Variants in GALNT13 observed in about 807,000 individuals in gnomAD.
GALNT13 encodes the protein UDP-GalNAc:polypeptide N-acetylgalactosaminyltransferase 13.
In GALNT13, 28 loss-of-function variants were observed where a neutral mutation model predicts 64.2. The ratio of observed to expected loss-of-function variants is 0.44; its 90% CI spans 0.32 to 0.60. GALNT13 has a LOEUF of 0.60. Ranked by LOEUF, GALNT13 falls within the 20% of genes least tolerant of loss-of-function variation. The pLI, the probability that GALNT13 is intolerant of heterozygous loss-of-function variation, is 0.05. For missense variants in GALNT13, 577 were observed against 669.8 expected (o/e 0.86, Z 1.53); for synonymous variants, 214 against 224.6 (o/e 0.95, Z 0.42).
At chr2:153,712,872 C>A in the GALNT13 span, among the ~76,000 whole-genome samples, 1 of 152,136 alleles carries the variant, frequency 6.6e-6, no homozygotes, top group African/African-American at 2.4e-5. Context: ...CCATAGAGAT[C>A]AAAACATGTA....
At chr2:154,270,628 T>C (rs1438653966) in intron 8 of GALNT13, among the ~76,000 whole-genome samples, 2 of 151,922 alleles carry the variant, frequency 1.3e-5, no homozygotes, top group Non-Finnish European at 2.9e-5. Flanking sequence ...ACTAGTCACA[T>C]TGAATAATCA....
the GALNT13 span, among the ~76,000 whole-genome samples, chr2:153,711,388 G>A: frequency 6.6e-6 from 1 of 152,070 alleles, no homozygotes; most frequent in Admixed American, 6.6e-5. Context: ...TATAATAAAA[G>A]CTACTGTATA....
At chr2:154,377,667 A>G (rs1698065072) in intron 9 of GALNT13, among the ~76,000 whole-genome samples, 1 of 149,890 alleles carries the variant, frequency 6.7e-6, no homozygotes, top group Non-Finnish European at 1.5e-5. Context: ...TAGTTCATTC[A>G]TTCATCATTT....
intron 3 of GALNT13, among the ~76,000 whole-genome samples, chr2:154,074,886 C>G (rs1333255953): frequency 1.3e-5 from 2 of 151,842 alleles, no homozygotes; most frequent in Non-Finnish European, 2.9e-5. Flanking sequence ...ATACTAGCCA[C>G]TGAAGGAACA....
the GALNT13 span, among the ~76,000 whole-genome samples, chr2:153,720,557 CT>C: frequency 6.7e-6 from 1 of 149,114 alleles, no homozygotes; most frequent in African/African-American, 2.4e-5. Context: ...AAGTTGAAAA[CT>C]TTGAAAAAAA....
At chr2:153,664,793 C>T in the GALNT13 span, among the ~76,000 whole-genome samples, 2 of 152,080 alleles carry the variant, frequency 1.3e-5, no homozygotes, top group Admixed American at 6.6e-5. Context: ...CCTGACTTCC[C>T]GCAACAATGA....
chr2:153,628,271 T>A, the GALNT13 span, among the ~76,000 whole-genome samples: 3 of 151,778 alleles, frequency 2.0e-5, no homozygotes, highest in Admixed American at 1.3e-4. Flanking sequence ...TTTCTAGATA[T>A]ACAATCATGT....
the GALNT13 span, among the ~76,000 whole-genome samples, chr2:153,506,535 T>C: frequency 6.6e-6 from 1 of 152,326 alleles, no homozygotes; most frequent in African/African-American, 2.4e-5. Flanking sequence ...GCTGGCTTAG[T>C]AGTGATGAAT....
the GALNT13 span, among the ~76,000 whole-genome samples, chr2:153,404,500 AT>A: frequency 6.8e-6 from 1 of 147,694 alleles, no homozygotes; most frequent in South Asian, 2.2e-4. Flanking sequence ...CCTAATTGTG[AT>A]TTTTTTCAAA....
chr2:153,608,923 T>G, the GALNT13 span, among the ~76,000 whole-genome samples: 2 of 147,546 alleles, frequency 1.4e-5, no homozygotes, highest in Non-Finnish European at 3.0e-5. Flanking sequence ...ACTTCTTTTT[T>G]TTTTTTTTTT....
intron 8 of GALNT13, among the ~76,000 whole-genome samples, chr2:154,298,787 TTATATTATTTATATATAAATTA>T (rs1678011407): frequency 5.9e-5 from 7 of 118,612 alleles, no homozygotes; most frequent in Non-Finnish European, 8.2e-5. Flanking sequence ...TATTTATATA[TTATATTATTTATATATAAATTA>T]TATATTATTT....
At chr2:153,620,854 G>A in the GALNT13 span, among the ~76,000 whole-genome samples, 3 of 151,784 alleles carry the variant, frequency 2.0e-5, no homozygotes, top group African/African-American at 7.3e-5. Context: ...TGAAGAATTA[G>A]GCACTTATTG....
At chr2:153,482,107 A>G in the GALNT13 span, among the ~76,000 whole-genome samples, 1 of 152,166 alleles carries the variant, frequency 6.6e-6, no homozygotes, top group East Asian at 1.9e-4. Context: ...CTAAGCTCAT[A>G]TATTTCACCC....
chr2:154,232,529 A>G (rs1400927980), intron 4 of GALNT13, among the ~76,000 whole-genome samples: 1 of 152,104 alleles, frequency 6.6e-6, no homozygotes, highest in African/African-American at 2.4e-5. Flanking sequence ...AAAATAACGT[A>G]CCATCTTTAT....
At chr2:153,544,409 G>A in the GALNT13 span, among the ~76,000 whole-genome samples, 1 of 152,120 alleles carries the variant, frequency 6.6e-6, no homozygotes. Context: ...TTCTTAACAG[G>A]TTGATCATAA....
chr2:154,301,369 A>G (rs763238387), intron 8 of GALNT13, 40 bp from the exon 9 acceptor site: 32 of 1,543,548 alleles, frequency 2.1e-5, no homozygotes, highest in African/African-American at 6.8e-5. Context: ...ATCTCATACA[A>G]TATTATTGCA....
the GALNT13 span, among the ~76,000 whole-genome samples, chr2:153,837,533 A>C: frequency 6.6e-6 from 1 of 152,030 alleles, no homozygotes; most frequent in Non-Finnish European, 1.5e-5. Flanking sequence ...GGCTTATTCC[A>C]CTTAGCATAA....
At chr2:153,625,410 G>T in the GALNT13 span, among the ~76,000 whole-genome samples, 1 of 152,094 alleles carries the variant, frequency 6.6e-6, no homozygotes, top group East Asian at 1.9e-4. Context: ...AGTAACAAAA[G>T]CCTGTAACAA....
chr2:153,411,988 G>GC, the GALNT13 span, among the ~76,000 whole-genome samples: 9 of 152,148 alleles, frequency 5.9e-5, no homozygotes, highest in Admixed American at 2.6e-4. Flanking sequence ...CTAATCAGCT[G>GC]CCAGAAAATA....
Sources: gnomAD v4.1 joint callset for allele counts (sites outside exome capture counted in the v4.1 genomes callset) on GRCh38, gnomAD v4.1.1 for gene constraint, MANE v1.5 for transcripts, NCBI Gene and HGNC (gene_info 2026-07-23, HGNC 2026-07-21) for gene names.